PCDHA13: variants seen among roughly 807,000 people sequenced by gnomAD.
PCDHA13 encodes protocadherin alpha 13.
In PCDHA13, 54 loss-of-function variants were observed where a neutral mutation model predicts 64.8. That is an observed-to-expected ratio of 0.83 (90% CI 0.67 to 1.04). PCDHA13 has a LOEUF of 1.04. Among genes scored for constraint, PCDHA13 ranks in the 50% least tolerant of loss-of-function variants. The probability of loss-of-function intolerance (pLI) is 0.00; values close to 1 mark genes in which losing one functional copy is unlikely to be tolerated. For synonymous variants in PCDHA13, 587 were observed against 564.4 expected (o/e 1.04, Z -0.57); for missense variants, 1,248 against 1,254.3 (o/e 0.99, Z 0.08).
At chr5:140,995,963 A>G (rs2097706042) in intron 3 of PCDHA13, among the ~76,000 whole-genome samples, 1 of 152,234 alleles carries the variant, frequency 6.6e-6, no homozygotes, top group Non-Finnish European at 1.5e-5. Context: ...AATGCTTAGA[A>G]CCATGCTTAG....
intron 1 of PCDHA13, among the ~76,000 whole-genome samples, chr5:140,950,542 A>G (rs1332265340): frequency 1.3e-5 from 2 of 152,014 alleles, no homozygotes; most frequent in Non-Finnish European, 2.9e-5. Flanking sequence ...TTGCTCTTGC[A>G]TGGCTGGGGG....
intron 3 of PCDHA13, among the ~76,000 whole-genome samples, chr5:140,982,824 GGTTT>G (rs74513655): frequency 0.037 from 5,640 of 152,044 alleles, 162 homozygotes; most frequent in Non-Finnish European, 0.055. Flanking sequence ...AAGTTTTTGG[GGTTT>G]GTTTGTTTGT....
At chr5:140,984,083 A>C (rs2097086103) in intron 3 of PCDHA13, among the ~76,000 whole-genome samples, 1 of 152,226 alleles carries the variant, frequency 6.6e-6, no homozygotes, top group South Asian at 2.1e-4. Context: ...GATGGAGTGA[A>C]GAAATGATGG....
chr5:140,968,195 T>C, intron 1 of PCDHA13: 1 of 1,614,076 alleles, frequency 6.2e-7, no homozygotes, highest in East Asian at 2.2e-5. Context: ...CTATTCCATC[T>C]ACATACAGGA....
chr5:140,972,957 C>T (rs369707081), intron 1 of PCDHA13, among the ~76,000 whole-genome samples: 1 of 152,054 alleles, frequency 6.6e-6, no homozygotes, highest in East Asian at 1.9e-4. Context: ...CCACCATGCC[C>T]GGCAAAGGAA....
In PCDHA13 at chr5:140,998,789, C is replaced by T. The variant is rs920510450; in HGVS notation, c.2543-10838C>T. On this transcript the variant is annotated intron_variant, in intron 3 of 3. Transcript: ENST00000289272. ...ATGTTGGTCAGGCTGGTCTGGAACC[C>T]CTGACCTCAGGTGATCTGCCTGCCT... 4.6e-5 allele frequency among the ~76,000 whole-genome samples: 7 copies of T among 152,118 alleles called. 1 individual carries two copies. Among genetic ancestry groups the T allele is most frequent in the Admixed American group, 2.6e-4 (4 of 15,262 alleles).
chr5:140,981,685 C>G lies in PCDHA13; in HGVS notation c.2454-790C>G, dbSNP rs369964011. 6.6e-4 allele frequency among the ~76,000 whole-genome samples: 101 copies of G among 152,166 alleles called. No individual in the cohort carries two copies. In the South Asian group the frequency reaches 0.018, roughly 27 times the overall value. ...TCCTTCCTTTCTTCCTTCCTCCCTT[C>G]CATCATTCATTCATTCATTCATTCA... On this transcript the variant is annotated intron_variant, in intron 2 of 3. Transcript: ENST00000289272.
intron 3 of PCDHA13, among the ~76,000 whole-genome samples, chr5:141,003,650 A>G (rs2098132767): frequency 6.6e-6 from 1 of 152,170 alleles, no homozygotes; most frequent in Admixed American, 6.5e-5. Flanking sequence ...GAAGATCTGT[A>G]TGCATTTATT....
In PCDHA13 at chr5:140,883,501, C is replaced by A. The variant is rs570168326; in HGVS notation, c.1233C>A (p.Ser411Arg). The change falls in exon 1 of 4, where the codon AGC (serine) becomes AGA (arginine). Residue 411 changes from serine (S) to arginine (R), a missense_variant. By Grantham distance (110) the Ser-to-Arg change is moderately radical. Transcript: ENST00000289272. ...ACTACTACTCATTAGTGCTGGACAGCGCCCTGGACCGCGAGAGCGTATCAG... is the reference window on the plus strand; with the variant it reads ...ACTACTACTCATTAGTGCTGGACAGAGCCCTGGACCGCGAGAGCGTATCAG... ...YKNYYSLVLD[S>R]ALDRESVSAY... 3.7e-6 allele frequency: 6 copies of A among 1,614,194 alleles called. No homozygotes were observed. In the Admixed American group the frequency reaches 8.3e-5, roughly 22 times the overall value.
chr5:141,010,535 C>G lies in PCDHA13; in HGVS notation c.*598C>G, dbSNP rs1423355739. 1 of 386,620 alleles carries G rather than the reference C, an allele frequency of 2.6e-6. No homozygotes were observed. Among genetic ancestry groups the G allele is most frequent in the African/African-American group, 2.0e-5 (1 of 48,880 alleles). 23.9% of individuals were successfully genotyped at this position (386,620 alleles called of 1,614,324 possible). On this transcript the variant is annotated 3_prime_UTR_variant, in exon 4 of 4. Coordinates refer to ENST00000289272, the MANE Select transcript of PCDHA13 (RefSeq NM_018904.3). ...CAACTCAAGAGGTGGCAGCCACCCT[C>G]TAGGAGACAAAACTACCCCCACTGA...
chr5:140,967,555 C>T, intron 1 of PCDHA13: 4 of 1,614,008 alleles, frequency 2.5e-6, no homozygotes, highest in Non-Finnish European at 3.4e-6. Flanking sequence ...CCACTTATCG[C>T]GTCCAGCTAC....
intron 1 of PCDHA13, among the ~76,000 whole-genome samples, chr5:140,963,991 A>G (rs1232646749): frequency 1.3e-5 from 2 of 152,190 alleles, no homozygotes; most frequent in Admixed American, 6.5e-5. Context: ...ATTCCTAATT[A>G]CTGTGTTCTA....
chr5:140,972,512 C>T (rs1586536091), intron 1 of PCDHA13, among the ~76,000 whole-genome samples: 1 of 152,018 alleles, frequency 6.6e-6, no homozygotes, highest in Non-Finnish European at 1.5e-5. Context: ...GATTTTACCC[C>T]CAGTGAGCTT....
chr5:140,954,992 G>A (rs1017301016), intron 1 of PCDHA13, among the ~76,000 whole-genome samples: 1 of 152,094 alleles, frequency 6.6e-6, no homozygotes, highest in Non-Finnish European at 1.5e-5. Flanking sequence ...TTCTGCATAT[G>A]GCTAGCCAAT....
chr5:140,891,330 T>C (rs995602420), intron 1 of PCDHA13, among the ~76,000 whole-genome samples: 1 of 152,108 alleles, frequency 6.6e-6, no homozygotes, highest in Non-Finnish European at 1.5e-5. Flanking sequence ...TGGTGGTGAT[T>C]TGTGAGATTT....
chr5:140,990,379 G>C (rs1554251452), intron 3 of PCDHA13, among the ~76,000 whole-genome samples: 3 of 152,092 alleles, frequency 2.0e-5, no homozygotes. Context: ...CAAATTTGTT[G>C]GTGATGTTCC....
At chr5:140,990,471 A>G (rs892013539) in intron 3 of PCDHA13, among the ~76,000 whole-genome samples, 4 of 152,204 alleles carry the variant, frequency 2.6e-5, no homozygotes, top group Admixed American at 1.3e-4. Context: ...GGTATCATGT[A>G]TCAAGCTGAA....
chr5:140,995,401 G>A (rs576317630), intron 3 of PCDHA13, among the ~76,000 whole-genome samples: 7 of 152,238 alleles, frequency 4.6e-5, no homozygotes, highest in African/African-American at 1.4e-4. Context: ...GGGATGGCTC[G>A]AGATTTCATC....
chr5:140,981,446 T>C (rs1586884316), intron 2 of PCDHA13, among the ~76,000 whole-genome samples: 4 of 152,058 alleles, frequency 2.6e-5, no homozygotes, highest in Admixed American at 1.3e-4. Context: ...TGGTGGCGGG[T>C]GCCTGTAGTC....
Sources: allele counts gnomAD v4.1 joint callset (sites outside exome capture counted in the v4.1 genomes callset), GRCh38; gene constraint gnomAD v4.1.1; transcripts MANE v1.5; gene names NCBI Gene and HGNC (gene_info 2026-07-23, HGNC 2026-07-21).